The following PLCB4 variants were observed in gnomAD, a reference collection of about 807,000 sequenced individuals.
PLCB4 encodes phospholipase C beta 4, also known as 1-phosphatidylinositol 4,5-bisphosphate phosphodiesterase beta-4.
Under a neutral mutation model 178.8 loss-of-function variants are expected in PLCB4, and 77 were observed. The observed-to-expected ratio is 0.43, with a 90% CI of 0.36 to 0.52. The LOEUF is 0.52. Ranked by LOEUF, PLCB4 falls within the 20% of genes least tolerant of loss-of-function variation. The probability of loss-of-function intolerance (pLI) is 0.00; values close to 1 mark genes in which losing one functional copy is unlikely to be tolerated. For missense variants in PLCB4, 1,024 were observed against 1,453.4 expected, an observed-to-expected ratio of 0.70 and a Z score of 4.80; for synonymous variants, 496 against 490.8, an observed-to-expected ratio of 1.01 and a Z score of -0.14.
intron 2 of PLCB4, among the ~76,000 whole-genome samples, chr20:9,135,507 C>T (rs544051432): frequency 2.0e-5 from 3 of 152,146 alleles, no homozygotes; most frequent in East Asian, 1.9e-4. Flanking sequence ...CTACAAAGCA[C>T]GACTTTGTTT....
At chr20:9,088,459 A>T (rs1191928242) in intron 1 of PLCB4, among the ~76,000 whole-genome samples, 2 of 152,220 alleles carry the variant, frequency 1.3e-5, no homozygotes, top group Non-Finnish European at 2.9e-5. Flanking sequence ...TAATAGTAAG[A>T]TGCACAGATA....
chr20:9,436,901 A>G, intron 29 of PLCB4, 101 bp from the exon 30 acceptor site: 1 of 1,070,420 alleles, frequency 9.3e-7, no homozygotes, highest in Admixed American at 2.2e-5. Context: ...GTCTAGGAAG[A>G]GTATGGTAGA....
chr20:9,397,453 G>A (rs1241681772), intron 19 of PLCB4, among the ~76,000 whole-genome samples: 1 of 152,076 alleles, frequency 6.6e-6, no homozygotes, highest in Non-Finnish European at 1.5e-5. Context: ...AATCATGAAT[G>A]TTCTTTCTTA....
At chr20:9,302,180 T>C (rs946481058) in intron 3 of PLCB4, among the ~76,000 whole-genome samples, 1 of 152,114 alleles carries the variant, frequency 6.6e-6, no homozygotes, top group Non-Finnish European at 1.5e-5. Context: ...CTTTTTTTTT[T>C]TCAAGCCAGT....
intron 1 of PLCB4, among the ~76,000 whole-genome samples, chr20:9,094,984 C>T (rs527996842): frequency 9.2e-5 from 14 of 152,228 alleles, no homozygotes; most frequent in African/African-American, 2.9e-4. Context: ...TGCTGGTTGA[C>T]ATATGAAGTG....
At chr20:9,396,357 A>G (rs1255799165) in intron 19 of PLCB4, among the ~76,000 whole-genome samples, 3 of 152,250 alleles carry the variant, frequency 2.0e-5, no homozygotes, top group Admixed American at 1.3e-4. Flanking sequence ...TGAACTAGAA[A>G]CTAAAAGCCA....
At chr20:9,328,691 A>G (rs2031133177) in intron 4 of PLCB4, among the ~76,000 whole-genome samples, 1 of 152,206 alleles carries the variant, frequency 6.6e-6, no homozygotes, top group Admixed American at 6.5e-5. Context: ...TATTGTTCAA[A>G]ACATTTGATC....
At chr20:9,311,733 T>A (rs2094836944) in intron 4 of PLCB4, among the ~76,000 whole-genome samples, 1 of 152,150 alleles carries the variant, frequency 6.6e-6, no homozygotes, top group African/African-American at 2.4e-5. Flanking sequence ...AGATCCTCCC[T>A]TTTGCATAAG....
chr20:9,311,691 T>C (rs770035125), intron 4 of PLCB4, among the ~76,000 whole-genome samples: 3 of 152,204 alleles, frequency 2.0e-5, no homozygotes, highest in Non-Finnish European at 4.4e-5. Context: ...GGCTCCCCTT[T>C]CACCTCAAAC....
At chr20:9,316,022 G>T (rs1254341718) in intron 4 of PLCB4, among the ~76,000 whole-genome samples, 1 of 152,058 alleles carries the variant, frequency 6.6e-6, no homozygotes, top group Non-Finnish European at 1.5e-5. Flanking sequence ...CAAATGCTAG[G>T]CTCTGAGGCA....
At chr20:9,319,666 A>C (rs181145008) in intron 4 of PLCB4, among the ~76,000 whole-genome samples, 6 of 151,524 alleles carry the variant, frequency 4.0e-5, no homozygotes, top group Admixed American at 2.0e-4. Context: ...GTCCCAGATC[A>C]AGACAGAGTG....
rs1465401457 is a variant in PLCB4 at position 9,401,652 on chromosome 20, G to A, written c.1611+62G>A. 4 of 1,092,638 alleles carry A rather than the reference G, an allele frequency of 3.7e-6. No homozygotes were observed. In the African/African-American group the frequency reaches 4.7e-5, roughly 13 times the overall value. The allele number at this position is 1,092,638 out of a possible 1,614,324, so 67.7% of individuals were successfully genotyped here. ...AGCAGCTGTTATTTATGAAATTTTG[G>A]AAATGTGAGAACCACAAGAGAATAA... On this transcript the variant is annotated intron_variant, in intron 20 of 39. Transcript: ENST00000378473.
intron 7 of PLCB4, among the ~76,000 whole-genome samples, chr20:9,339,563 C>A (rs2032928964): frequency 1.3e-5 from 2 of 152,022 alleles, no homozygotes; most frequent in Admixed American, 6.5e-5. Context: ...TTTTATTTAA[C>A]CCAGTAGACC....
chr20:9,102,379 G>A (rs2091190838), intron 2 of PLCB4, among the ~76,000 whole-genome samples: 1 of 152,202 alleles, frequency 6.6e-6, no homozygotes, highest in Non-Finnish European at 1.5e-5. Context: ...ACAACAGAAG[G>A]AGAAAGTATT....
At chr20:9,460,539 A>T (rs1027892537) in intron 35 of PLCB4, among the ~76,000 whole-genome samples, 4 of 152,238 alleles carry the variant, frequency 2.6e-5, no homozygotes, top group African/African-American at 9.6e-5. Flanking sequence ...CAGCAAAGTG[A>T]ATATTGCATT....
intron 3 of PLCB4, among the ~76,000 whole-genome samples, chr20:9,243,395 T>C (rs1175650296): frequency 2.6e-5 from 4 of 152,180 alleles, no homozygotes; most frequent in Non-Finnish European, 5.9e-5. Context: ...TTCCTGCCAA[T>C]AAATGACTTC....
chr20:9,155,905 A>T (rs2092779761), intron 2 of PLCB4, among the ~76,000 whole-genome samples: 1 of 152,154 alleles, frequency 6.6e-6, no homozygotes, highest in Non-Finnish European at 1.5e-5. Context: ...TCCAGAACAC[A>T]CAAGACAAGT....
intron 2 of PLCB4, among the ~76,000 whole-genome samples, chr20:9,163,142 A>T (rs935614763): frequency 1.3e-5 from 2 of 152,166 alleles, no homozygotes; most frequent in Non-Finnish European, 2.9e-5. Context: ...GGTAGTGGAG[A>T]GGCAGAAAAC....
intron 2 of PLCB4, among the ~76,000 whole-genome samples, chr20:9,145,807 T>C (rs947841092): frequency 6.6e-6 from 1 of 152,082 alleles, no homozygotes; most frequent in African/African-American, 2.4e-5. Context: ...AAAATGTTAA[T>C]ATCAGGTAAA....
Sources: allele counts gnomAD v4.1 joint callset (sites outside exome capture counted in the v4.1 genomes callset), GRCh38; gene constraint gnomAD v4.1.1; transcripts MANE v1.5; gene names NCBI Gene and HGNC (gene_info 2026-07-23, HGNC 2026-07-21).